The following FKBP9 variants were observed in gnomAD, a reference collection of about 807,000 sequenced individuals.
The protein encoded by FKBP9 is peptidyl-prolyl cis-trans isomerase FKBP9.
Under a neutral mutation model 55.6 loss-of-function variants are expected in FKBP9, and 27 were observed. That is an observed-to-expected ratio of 0.49 (90% confidence interval 0.36 to 0.67). The LOEUF is 0.67. Ranked by LOEUF, FKBP9 falls within the 30% of genes least tolerant of loss-of-function variation. FKBP9 has a pLI of 0.00. For synonymous variants in FKBP9, 267 were observed against 296.5 expected (o/e 0.90, Z 1.02); for missense variants, 539 against 742.8 (o/e 0.73, Z 3.19).
intron 1 of FKBP9, among the ~76,000 whole-genome samples, chr7:32,963,301 G>T (rs1212563339): frequency 6.6e-6 from 1 of 151,742 alleles, no homozygotes; most frequent in Non-Finnish European, 1.5e-5. Context: ...CAGTCCTTGG[G>T]AGGCCTGGGT....
At chr7:32,982,984 ATGTG>A (rs71559288) in intron 5 of FKBP9, among the ~76,000 whole-genome samples, 4,250 of 142,190 alleles carry the variant, frequency 0.03, 136 homozygotes, top group African/African-American at 0.084. Flanking sequence ...GTCAAAGGTT[ATGTG>A]TGTGTGTGTG....
intron 1 of FKBP9, among the ~76,000 whole-genome samples, chr7:32,964,787 G>A (rs778781179): frequency 7.2e-5 from 11 of 152,204 alleles, no homozygotes; most frequent in Non-Finnish European, 1.5e-4. Context: ...CTTTGGGAGT[G>A]AATGTGTGGA....
At chr7:32,998,486 T>A (rs888073114) in intron 7 of FKBP9, 1 of 152,180 alleles carries the variant, frequency 6.6e-6, no homozygotes, top group Non-Finnish European at 1.5e-5. Flanking sequence ...AGGAGCCACA[T>A]GAGCCAGAGC....
chr7:32,989,327 C>A (rs1363643411), intron 6 of FKBP9, among the ~76,000 whole-genome samples: 2 of 152,172 alleles, frequency 1.3e-5, no homozygotes. Context: ...TTAAAAGTTA[C>A]ACAAATCATA....
At chr7:32,995,561 C>T (rs534450485) in intron 6 of FKBP9, among the ~76,000 whole-genome samples, 1 of 152,132 alleles carries the variant, frequency 6.6e-6, no homozygotes, top group Admixed American at 6.5e-5. Context: ...CTACTGTCTT[C>T]AAAATTGGAA....
At chr7:32,999,270 G>T (rs549354035) in intron 7 of FKBP9, among the ~76,000 whole-genome samples, 4 of 152,240 alleles carry the variant, frequency 2.6e-5, no homozygotes, top group Admixed American at 1.3e-4. Flanking sequence ...GTTGTCCCCA[G>T]TGCTCATGGG....
intron 5 of FKBP9, among the ~76,000 whole-genome samples, chr7:32,981,460 G>C (rs1018838152): frequency 2.0e-5 from 3 of 152,100 alleles, no homozygotes; most frequent in Non-Finnish European, 2.9e-5. Flanking sequence ...TGTTTGGCCT[G>C]TTTTGCTCAT....
intron 1 of FKBP9, among the ~76,000 whole-genome samples, chr7:32,966,745 A>G (rs374807364): frequency 0.022 from 3,362 of 152,188 alleles, 82 homozygotes; most frequent in African/African-American, 0.06. Flanking sequence ...TGAGGACCTC[A>G]GGAGATTTAT....
At chr7:33,002,380 G>A (rs1470839290) in intron 8 of FKBP9, among the ~76,000 whole-genome samples, 2 of 152,112 alleles carry the variant, frequency 1.3e-5, no homozygotes, top group African/African-American at 2.4e-5. Flanking sequence ...TGATCCGCCC[G>A]AGTCGGCCTC....
intron 7 of FKBP9, among the ~76,000 whole-genome samples, chr7:32,998,089 G>A (rs1392986023): frequency 2.0e-5 from 3 of 152,084 alleles, no homozygotes; most frequent in Non-Finnish European, 4.4e-5. Context: ...AGGCTTCCAG[G>A]GCCCAGATGT....
chr7:32,993,074 T>C, intron 6 of FKBP9: 1 of 232,548 alleles, frequency 4.3e-6, no homozygotes, highest in Non-Finnish European at 8.5e-6. Context: ...CCCAGGGATG[T>C]GGGTGGTTCC....
At chr7:32,969,297 T>C (rs907504025) in intron 1 of FKBP9, among the ~76,000 whole-genome samples, 1 of 152,160 alleles carries the variant, frequency 6.6e-6, no homozygotes, top group African/African-American at 2.4e-5. Context: ...TTTGGTGTCA[T>C]ATCCAATCCA....
chr7:32,977,229 C>T (rs1467524226), intron 4 of FKBP9, among the ~76,000 whole-genome samples: 1 of 152,202 alleles, frequency 6.6e-6, no homozygotes, highest in Non-Finnish European at 1.5e-5. Flanking sequence ...GTCATATTGA[C>T]ATGCTGGCAC....
intron 5 of FKBP9, among the ~76,000 whole-genome samples, chr7:32,982,984 A>ATG (rs71559288): frequency 0.078 from 11,084 of 141,688 alleles, 518 homozygotes; most frequent in Admixed American, 0.16. Context: ...GTCAAAGGTT[A>ATG]TGTGTGTGTG....
intron 4 of FKBP9, chr7:32,979,392 A>G (rs1784426810): frequency 4.1e-6 from 3 of 738,502 alleles, no homozygotes; most frequent in Non-Finnish European, 7.3e-6. Context: ...CACGCATGCG[A>G]TTTAGGGATT....
At chr7:32,996,747 C>CT (rs775429776) in intron 7 of FKBP9, among the ~76,000 whole-genome samples, 49 of 13,316 alleles carry the variant, frequency 3.7e-3, no homozygotes, top group Non-Finnish European at 6.9e-3. Context: ...TCCTTTCTTT[C>CT]TTTTTTTTTT....
chr7:32,994,461 C>T (rs983096614), intron 6 of FKBP9, among the ~76,000 whole-genome samples: 1 of 152,128 alleles, frequency 6.6e-6, no homozygotes, highest in African/African-American at 2.4e-5. Context: ...TCTGCAGACA[C>T]CCACCCTGTC....
At chr7:32,991,465 G>A (rs1376025218) in intron 6 of FKBP9, among the ~76,000 whole-genome samples, 3 of 152,210 alleles carry the variant, frequency 2.0e-5, no homozygotes, top group Admixed American at 2.0e-4. Context: ...TCCCTGAGGG[G>A]CTGACCCGAG....
intron 7 of FKBP9, among the ~76,000 whole-genome samples, chr7:32,998,898 T>C (rs1301153460): frequency 6.6e-6 from 1 of 152,172 alleles, no homozygotes; most frequent in Non-Finnish European, 1.5e-5. Flanking sequence ...GAGTGGTGTG[T>C]TCAGAGATGA....
Sources: allele counts gnomAD v4.1 joint callset (sites outside exome capture counted in the v4.1 genomes callset), GRCh38; gene constraint gnomAD v4.1.1; transcripts MANE v1.5; gene names NCBI Gene and HGNC (gene_info 2026-07-23, HGNC 2026-07-21).